The following CDIN1 variants were observed in gnomAD, a reference collection of about 807,000 sequenced individuals.
The protein encoded by CDIN1 is CDAN1 interacting nuclease 1, also known as CDAN1-interacting nuclease 1.
Under a neutral mutation model 45.3 loss-of-function variants are expected in CDIN1, and 33 were observed. The observed-to-expected ratio is 0.73, with a 90% CI of 0.55 to 0.97. CDIN1 has a LOEUF of 0.97. CDIN1 is among the 50% of genes least tolerant of loss of function. The pLI is 0.00. For missense variants in CDIN1, 303 were observed against 339.4 expected (o/e 0.89, Z 0.84); for synonymous variants, 118 against 124.4 (o/e 0.95, Z 0.34).
chr15:36,798,077 A>C (rs2054878996), intron 10 of CDIN1, among the ~76,000 whole-genome samples: 1 of 151,594 alleles, frequency 6.6e-6, no homozygotes, highest in African/African-American at 2.4e-5. Context: ...TAACACTGAC[A>C]TCTTCTTCTT....
chr15:36,792,932 G>A (rs2054685267), intron 10 of CDIN1, among the ~76,000 whole-genome samples: 1 of 152,042 alleles, frequency 6.6e-6, no homozygotes, highest in South Asian at 2.1e-4. Flanking sequence ...TGTCGTGCAT[G>A]GCCATGATCT....
At chr15:36,748,328 C>T (rs950400335) in intron 10 of CDIN1, among the ~76,000 whole-genome samples, 13 of 152,150 alleles carry the variant, frequency 8.5e-5, no homozygotes, top group Middle Eastern at 3.2e-3. Flanking sequence ...CAGTCATTGC[C>T]GGGTCTTAGT....
intron 10 of CDIN1, among the ~76,000 whole-genome samples, chr15:36,798,444 A>G (rs190912194): frequency 5.9e-5 from 9 of 152,274 alleles, no homozygotes; most frequent in African/African-American, 1.9e-4. Flanking sequence ...ATCATTAAAT[A>G]TTTCTTGTGA....
intron 10 of CDIN1, among the ~76,000 whole-genome samples, chr15:36,720,933 G>A (rs557782852): frequency 6.5e-4 from 99 of 152,230 alleles, no homozygotes; most frequent in Non-Finnish European, 1.1e-3. Context: ...ATCCTCTCCA[G>A]CATCTGTTGT....
chr15:36,796,179 ATTTC>A lies in CDIN1; in HGVS notation c.717-12141_717-12138del, dbSNP rs1356332001. 6.6e-5 allele frequency among the ~76,000 whole-genome samples: 10 copies of A among 152,196 alleles called. No homozygotes were observed. The East Asian group carries it at 1.4e-3, about 21-fold the overall frequency. On this transcript the variant is annotated intron_variant, in intron 10 of 10. Transcript: ENST00000566621. ...GATTTAGTGGAGAAGAGTTCAGAAAATTTCTTTATTAGATTCTACTGTTGGGTGG... is the reference window on the plus strand; with the variant it reads ...GATTTAGTGGAGAAGAGTTCAGAAAATTTATTAGATTCTACTGTTGGGTGG...
chr15:36,605,452 T>C (rs2038317199), intron 1 of CDIN1, among the ~76,000 whole-genome samples: 1 of 152,166 alleles, frequency 6.6e-6, no homozygotes, highest in South Asian at 2.1e-4. Flanking sequence ...ATAGCAAAAT[T>C]GCATGTTGAC....
At chr15:36,609,695 G>T (rs2038556357) in intron 1 of CDIN1, among the ~76,000 whole-genome samples, 1 of 152,188 alleles carries the variant, frequency 6.6e-6, no homozygotes, top group South Asian at 2.1e-4. Flanking sequence ...TACTGGCCTG[G>T]GGATCCAGAC....
chr15:36,727,814 T>C (rs1467038044), intron 10 of CDIN1, among the ~76,000 whole-genome samples: 1 of 152,172 alleles, frequency 6.6e-6, no homozygotes, highest in African/African-American at 2.4e-5. Context: ...GAAGTAGGTA[T>C]ATATTTTAAA....
chr15:36,793,194 T>C (rs1246380312), intron 10 of CDIN1, among the ~76,000 whole-genome samples: 3 of 152,174 alleles, frequency 2.0e-5, no homozygotes, highest in Non-Finnish European at 4.4e-5. Flanking sequence ...GTTTCTTTCA[T>C]ACACTCATCT....
At chr15:36,608,552 A>G (rs147359029) in intron 1 of CDIN1, among the ~76,000 whole-genome samples, 32 of 152,274 alleles carry the variant, frequency 2.1e-4, no homozygotes, top group African/African-American at 7.2e-4. Flanking sequence ...AGTTATTTAC[A>G]TATTCTAGAT....
chr15:36,584,910 T>G (rs1026514494), intron 1 of CDIN1, among the ~76,000 whole-genome samples: 2 of 152,110 alleles, frequency 1.3e-5, no homozygotes, highest in African/African-American at 4.8e-5. Flanking sequence ...TTGAACAAAA[T>G]AACGTTATTT....
chr15:36,799,714 G>C (rs957842928), intron 10 of CDIN1: 2 of 152,176 alleles, frequency 1.3e-5, no homozygotes, highest in Non-Finnish European at 2.9e-5. Context: ...AATTTATGGA[G>C]AGGAGCTTTT....
At chr15:36,807,646 A>G (rs1310651904) in intron 10 of CDIN1, among the ~76,000 whole-genome samples, 1 of 152,174 alleles carries the variant, frequency 6.6e-6, no homozygotes. Context: ...GGTTTTATTA[A>G]GCCCGTAGCG....
intron 10 of CDIN1, among the ~76,000 whole-genome samples, chr15:36,723,217 A>G (rs2043498129): frequency 1.6e-5 from 1 of 61,142 alleles, no homozygotes; most frequent in South Asian, 4.4e-4. Context: ...CAGCTTGCTA[A>G]CCATTACCAC....
At chr15:36,755,873 G>A in intron 10 of CDIN1, 2 of 259,504 alleles carry the variant, frequency 7.7e-6, no homozygotes, top group South Asian at 8.1e-5. Flanking sequence ...CGAACTTAAG[G>A]GCGTTTTATT....
At chr15:36,613,554 C>T in intron 1 of CDIN1, 2 of 1,505,978 alleles carry the variant, frequency 1.3e-6, no homozygotes, top group African/African-American at 2.7e-5. Flanking sequence ...GAGGAGTGAG[C>T]TGAGCGCCTC....
In CDIN1 at chr15:36,664,347, G is replaced by A. The variant is rs186898335; in HGVS notation, c.346+6442G>A. On this transcript the variant is annotated intron_variant, in intron 5 of 10. Transcript: ENST00000566621. ...AATTTCAAATAGGAGGAAGCACTCCGCATTCTACATGTGAACCCTCATTTG... is the reference window on the plus strand; with the variant it reads ...AATTTCAAATAGGAGGAAGCACTCCACATTCTACATGTGAACCCTCATTTG... 1.6e-4 allele frequency among the ~76,000 whole-genome samples: 25 copies of A among 152,256 alleles called. No homozygotes were observed. In the East Asian group the frequency reaches 4.1e-3, roughly 25 times the overall value.
At chr15:36,780,893 G>C (rs540750077) in intron 10 of CDIN1, among the ~76,000 whole-genome samples, 10 of 152,240 alleles carry the variant, frequency 6.6e-5, no homozygotes, top group African/African-American at 2.4e-4. Flanking sequence ...TTTAGGCTGA[G>C]GTTTCTAAAA....
At chr15:36,781,445 A>G (rs1658269383) in intron 10 of CDIN1, among the ~76,000 whole-genome samples, 1 of 152,164 alleles carries the variant, frequency 6.6e-6, no homozygotes, top group African/African-American at 2.4e-5. Flanking sequence ...TCAGGGTCAC[A>G]CTTGGAGCCT....
Sources: allele counts gnomAD v4.1 joint callset (sites outside exome capture counted in the v4.1 genomes callset), GRCh38; gene constraint gnomAD v4.1.1; transcripts MANE v1.5; gene names NCBI Gene and HGNC (gene_info 2026-07-23, HGNC 2026-07-21).